The following CHD1 variants were observed in gnomAD, a reference collection of about 807,000 sequenced individuals.
CHD1 encodes chromodomain helicase DNA binding protein 1, also known as ATP-dependent chromatin remodeler CHD1.
Under a neutral mutation model 224.2 loss-of-function variants are expected in CHD1, and 36 were observed. The ratio of observed to expected loss-of-function variants is 0.16; its 90% CI spans 0.12 to 0.21. The LOEUF (loss-of-function observed/expected upper bound fraction) is 0.21. Among genes scored for constraint, CHD1 ranks in the 10% least tolerant of loss-of-function variants. The pLI, the probability that CHD1 is intolerant of heterozygous loss-of-function variation, is 1.00. For missense variants in CHD1, 1,378 were observed against 1,994.8 expected (o/e 0.69, Z 5.89); for synonymous variants, 668 against 658.3 (o/e 1.01, Z -0.23).
intron 2 of CHD1, among the ~76,000 whole-genome samples, chr5:98,920,219 A>T (rs1324504520): frequency 6.6e-6 from 1 of 152,192 alleles, no homozygotes; most frequent in Non-Finnish European, 1.5e-5. Context: ...ATTCCATTTA[A>T]TATATGTAAA....
intron 10 of CHD1, among the ~76,000 whole-genome samples, chr5:98,898,018 A>G (rs1481286638): frequency 1.3e-5 from 2 of 151,374 alleles, no homozygotes; most frequent in African/African-American, 4.9e-5. Context: ...AAGAAGATAC[A>G]TTGACGAAAA....
intron 22 of CHD1, 85 bp downstream of exon 22, chr5:98,880,990 TA>T: frequency 1.2e-6 from 1 of 807,298 alleles, no homozygotes; most frequent in Non-Finnish European, 2.1e-6. Context: ...TGATTATGCT[TA>T]AAGAAAGATT....
intron 2 of CHD1, among the ~76,000 whole-genome samples, chr5:98,921,498 A>C (rs1488555424): frequency 3.3e-5 from 5 of 152,192 alleles, no homozygotes; most frequent in Non-Finnish European, 7.3e-5. Context: ...CAGTTATAAT[A>C]AGCTCCCAAA....
At chr5:98,864,871 TTC>T (rs1282378712) in intron 31 of CHD1, among the ~76,000 whole-genome samples, 3 of 152,202 alleles carry the variant, frequency 2.0e-5, no homozygotes, top group Non-Finnish European at 4.4e-5. Context: ...GCAGTTTATA[TTC>T]TGTTAGAAAA....
At chr5:98,893,825 CAA>C (rs1672320231) in intron 13 of CHD1, among the ~76,000 whole-genome samples, 1 of 151,924 alleles carries the variant, frequency 6.6e-6, no homozygotes, top group African/African-American at 2.4e-5. Flanking sequence ...AATATCAAGC[CAA>C]AGTTTTTATT....
intron 28 of CHD1, among the ~76,000 whole-genome samples, chr5:98,871,459 T>A (rs1397170351): frequency 1.3e-5 from 2 of 150,368 alleles, no homozygotes; most frequent in African/African-American, 2.5e-5. Flanking sequence ...CGATGTTTTT[T>A]AAAAATAAAT....
intron 2 of CHD1, among the ~76,000 whole-genome samples, chr5:98,917,293 A>T (rs1752791549): frequency 7.4e-6 from 1 of 134,462 alleles, no homozygotes. Context: ...TCCAAAAACA[A>T]AGAAACAAAA....
At chr5:98,894,914 C>T (rs185413071) in intron 12 of CHD1, among the ~76,000 whole-genome samples, 16 of 151,932 alleles carry the variant, frequency 1.1e-4, no homozygotes, top group East Asian at 9.7e-4. Flanking sequence ...CTCCACCTCC[C>T]GGGTTCAAGT....
In CHD1 at chr5:98,903,822, ATGT is replaced by A. The variant is rs755931057; in HGVS notation, c.339_341del (p.Gln113del). ...CTGATCCGCTATTAGATGAGGCTTG[ATGT>A]TGTTGTTGCTGCTGCTGCTGTTGCT... is the stretch of plus-strand genomic sequence containing the variant. On this transcript the variant is annotated inframe_deletion, in exon 4 of 36. Coordinates refer to ENST00000614616, the MANE Select transcript of CHD1 (RefSeq NM_001270.4). 148 of 1,613,584 alleles carry A rather than the reference ATGT, an allele frequency of 9.2e-5. 2 individuals carry two copies. In the Admixed American group the frequency reaches 2.1e-3, roughly 23 times the overall value.
At chr5:98,857,586 G>C (rs999326825) in intron 35 of CHD1, among the ~76,000 whole-genome samples, 4 of 151,976 alleles carry the variant, frequency 2.6e-5, no homozygotes, top group African/African-American at 9.7e-5. Context: ...TTTACTTTTA[G>C]TAGTGATCAT....
intron 32 of CHD1, 36 bp from the exon 33 acceptor site, chr5:98,860,104 C>G: frequency 8.4e-7 from 1 of 1,185,066 alleles, no homozygotes. Flanking sequence ...TTAAGTTAGT[C>G]TGGTGGAAAA....
chr5:98,877,193 C>T (rs965933615), intron 23 of CHD1, among the ~76,000 whole-genome samples: 1 of 152,066 alleles, frequency 6.6e-6, no homozygotes, highest in South Asian at 2.1e-4. Context: ...AGCAAATAAT[C>T]TAAATATTCA....
intron 5 of CHD1, among the ~76,000 whole-genome samples, chr5:98,901,542 CACTT>C (rs1375441563): frequency 2.6e-5 from 4 of 152,064 alleles, no homozygotes; most frequent in Non-Finnish European, 5.9e-5. Context: ...TTTTGCTAAT[CACTT>C]AGTTATACGT....
At chr5:98,918,343 A>T (rs977198438) in intron 2 of CHD1, among the ~76,000 whole-genome samples, 2 of 151,372 alleles carry the variant, frequency 1.3e-5, no homozygotes, top group Admixed American at 6.6e-5. Context: ...TACAGATGTG[A>T]GCCACCGCGC....
At chr5:98,916,461 C>T (rs1033358332) in intron 2 of CHD1, among the ~76,000 whole-genome samples, 1 of 142,902 alleles carries the variant, frequency 7.0e-6, no homozygotes, top group East Asian at 2.1e-4. Context: ...AAGAGAATCG[C>T]TTGAACCCGG....
At chr5:98,908,670 T>C (rs917752981) in intron 2 of CHD1, among the ~76,000 whole-genome samples, 2 of 152,286 alleles carry the variant, frequency 1.3e-5, no homozygotes, top group Non-Finnish European at 2.9e-5. Flanking sequence ...TAATCTTTTA[T>C]AAAACTGAAA....
Position 98,856,507 on chromosome 5 carries a change from C to A in CHD1, c.5006G>T (p.Arg1669Ile). The change falls in exon 36 of 36, where the codon AGA (arginine) becomes ATA (isoleucine). Residue 1669 changes from arginine to isoleucine, a missense_variant. This residue lies in a region of CHD1 where 278 missense variants were observed against 298.5 expected (regional missense o/e 0.93). Transcript: ENST00000614616. ...RYHSDWQMDH[R>I]ASSSGPRSPL... is the part of the protein sequence containing the mutation. The stretch of plus-strand genomic sequence containing the variant: ...TGACCTAGGGCCACTGCTGGAAGCT[C>A]TGTGGTCCATTTGCCAGTCTGAGTG... 1 of 1,613,876 alleles carries A rather than the reference C, an allele frequency of 6.2e-7. No individual in the cohort carries two copies. The highest frequency in any genetic ancestry group is 1.1e-5 in the South Asian group (1 of 91,062).
intron 2 of CHD1, among the ~76,000 whole-genome samples, chr5:98,911,146 A>AAAAATATATAT (rs1491111295): frequency 2.6e-5 from 1 of 39,144 alleles, no homozygotes; most frequent in African/African-American, 1.2e-4. Flanking sequence ...AAAAAAAAAA[A>AAAAATATATAT]ATATATATAT....
At chr5:98,899,043 C>A (rs936946392) in intron 8 of CHD1, among the ~76,000 whole-genome samples, 1 of 152,126 alleles carries the variant, frequency 6.6e-6, no homozygotes, top group African/African-American at 2.4e-5. Context: ...GGAATAAAAT[C>A]ATCCCTCACT....
Sources: allele counts gnomAD v4.1 joint callset (sites outside exome capture counted in the v4.1 genomes callset), GRCh38; gene constraint gnomAD v4.1.1; regional missense constraint gnomAD v4.1.1; transcripts MANE v1.5; gene names NCBI Gene and HGNC (gene_info 2026-07-23, HGNC 2026-07-21).